The following PLCB1 variants were observed in gnomAD, a reference collection of about 807,000 sequenced individuals.
PLCB1 encodes the protein 1-phosphatidylinositol 4,5-bisphosphate phosphodiesterase beta-1.
PLCB1 carries 46 observed loss-of-function variants against 161.8 expected under a neutral mutation model. The observed-to-expected ratio is 0.28, with a 90% CI of 0.22 to 0.36. PLCB1 has a LOEUF of 0.36. Ranked by LOEUF, PLCB1 falls within the 10% of genes least tolerant of loss-of-function variation. PLCB1 has a pLI of 1.00. For synonymous variants in PLCB1, 517 were observed against 503.7 expected (o/e 1.03, Z -0.35); for missense variants, 1,016 against 1,472.5 (o/e 0.69, Z 5.07).
At chr20:8,502,045 A>G (rs1437402116) in intron 3 of PLCB1, among the ~76,000 whole-genome samples, 2 of 151,570 alleles carry the variant, frequency 1.3e-5, no homozygotes, top group African/African-American at 4.8e-5. Flanking sequence ...TTTATGGTTA[A>G]TAGCTTCATT....
intron 2 of PLCB1, among the ~76,000 whole-genome samples, chr20:8,156,976 C>G (rs1404506675): frequency 2.0e-5 from 3 of 152,074 alleles, no homozygotes; most frequent in Non-Finnish European, 4.4e-5. Context: ...TTATGTATAT[C>G]TTTTTATTCC....
chr20:8,636,496 C>T (rs1019546531), intron 4 of PLCB1, among the ~76,000 whole-genome samples: 4 of 152,104 alleles, frequency 2.6e-5, no homozygotes, highest in African/African-American at 9.7e-5. Flanking sequence ...GTGAAAACAT[C>T]GTCTATCTGG....
chr20:8,651,330 A>T, intron 7 of PLCB1: 1 of 662,442 alleles, frequency 1.5e-6, no homozygotes, highest in East Asian at 2.7e-5. Flanking sequence ...AAGACTTTTC[A>T]AAACAGCAAA....
intron 3 of PLCB1, among the ~76,000 whole-genome samples, chr20:8,382,368 C>A (rs1600360523): frequency 1.3e-5 from 2 of 149,768 alleles, no homozygotes; most frequent in South Asian, 4.3e-4. Flanking sequence ...CTGCAAGCTC[C>A]GCCTCCCGGG....
At chr20:8,790,304 T>C (rs1425920542) in intron 31 of PLCB1, 43 bp downstream of exon 31, 1 of 1,467,822 alleles carries the variant, frequency 6.8e-7, no homozygotes, top group African/African-American at 1.4e-5. Context: ...TTTATTTGAT[T>C]TCCATTTAGT....
rs145294131 is a variant in PLCB1, at chr20:8,783,233, T to A, written c.3112-5216T>A. 1.2e-3 allele frequency among the ~76,000 whole-genome samples: 188 copies of A among 152,378 alleles called. 1 individual carries two copies. Among genetic ancestry groups the A allele is most frequent in the African/African-American group, 4.4e-3 (181 of 41,604 alleles). On this transcript the variant is annotated intron_variant, in intron 27 of 31. Transcript: ENST00000338037. Reference sequence around the variant, plus strand: ...GTTTACTACCATTCAGTTTACCACATACCTTCTTAATTTATTTCCTAGGAA... The same window carrying A: ...GTTTACTACCATTCAGTTTACCACAAACCTTCTTAATTTATTTCCTAGGAA...
intron 31 of PLCB1, among the ~76,000 whole-genome samples, chr20:8,813,614 G>C (rs1315883891): frequency 6.6e-6 from 1 of 152,114 alleles, no homozygotes; most frequent in Non-Finnish European, 1.5e-5. Context: ...AGGATCACTT[G>C]AGCCAAGGAA....
chr20:8,805,898 G>A (rs554370199), intron 31 of PLCB1, among the ~76,000 whole-genome samples: 8 of 152,256 alleles, frequency 5.3e-5, no homozygotes, highest in South Asian at 2.1e-4. Flanking sequence ...ATGGAAAGAC[G>A]ACGAGCCTCT....
chr20:8,803,993 A>G (rs1984408714), intron 31 of PLCB1, among the ~76,000 whole-genome samples: 1 of 151,924 alleles, frequency 6.6e-6, no homozygotes, highest in Non-Finnish European at 1.5e-5. Context: ...GGATTTCTCC[A>G]TATTGGTCAG....
intron 3 of PLCB1, among the ~76,000 whole-genome samples, chr20:8,406,146 C>T (rs1379569900): frequency 2.0e-5 from 3 of 152,022 alleles, no homozygotes; most frequent in Non-Finnish European, 4.4e-5. Flanking sequence ...ACTTTATTGA[C>T]TTTTATGTGT....
At chr20:8,473,833 A>C (rs1042017492) in intron 3 of PLCB1, among the ~76,000 whole-genome samples, 1 of 152,240 alleles carries the variant, frequency 6.6e-6, no homozygotes, top group Non-Finnish European at 1.5e-5. Context: ...AACCAGCAGC[A>C]GTACAAAAAC....
intron 3 of PLCB1, among the ~76,000 whole-genome samples, chr20:8,428,177 A>G (rs1001832381): frequency 2.0e-5 from 3 of 152,138 alleles, no homozygotes; most frequent in East Asian, 1.9e-4. Context: ...TAATAAAAAA[A>G]GAAAAGAAAA....
intron 3 of PLCB1, among the ~76,000 whole-genome samples, chr20:8,383,747 C>T (rs1310001994): frequency 6.6e-6 from 1 of 152,194 alleles, no homozygotes; most frequent in Admixed American, 6.5e-5. Flanking sequence ...ATTTGCTTGT[C>T]TGGAAAGGCT....
chr20:8,319,447 A>G (rs1397953859), intron 2 of PLCB1, among the ~76,000 whole-genome samples: 1 of 152,004 alleles, frequency 6.6e-6, no homozygotes, highest in Non-Finnish European at 1.5e-5. Context: ...CAGGGCTCTG[A>G]GAGAGAGTGG....
chr20:8,354,493 C>T (rs79752783), intron 2 of PLCB1, among the ~76,000 whole-genome samples: 4,009 of 152,170 alleles, frequency 0.026, 65 homozygotes, highest in Non-Finnish European at 0.039. Context: ...CTCTTTACTT[C>T]GTAATTTTTA....
chr20:8,175,581 A>G (rs1266458071), intron 2 of PLCB1, among the ~76,000 whole-genome samples: 1 of 152,214 alleles, frequency 6.6e-6, no homozygotes. Context: ...TTAGGAAAAC[A>G]CATAGGAAAA....
chr20:8,847,604 AC>A (rs1253582929), intron 31 of PLCB1, among the ~76,000 whole-genome samples: 1 of 152,088 alleles, frequency 6.6e-6, no homozygotes, highest in Non-Finnish European at 1.5e-5. Flanking sequence ...TTTAGGGCAG[AC>A]CCCACAGCTT....
intron 13 of PLCB1, among the ~76,000 whole-genome samples, chr20:8,716,800 C>T (rs909035488): frequency 3.9e-5 from 6 of 152,158 alleles, no homozygotes; most frequent in African/African-American, 1.4e-4. Flanking sequence ...CAACTCAGGT[C>T]GCCCATTGCA....
intron 2 of PLCB1, among the ~76,000 whole-genome samples, chr20:8,289,678 C>A (rs1008550161): frequency 5.9e-5 from 9 of 152,242 alleles, no homozygotes; most frequent in African/African-American, 1.9e-4. Context: ...GTTGACCAGG[C>A]TAACAAGTAA....
Sources: allele counts gnomAD v4.1 joint callset (sites outside exome capture counted in the v4.1 genomes callset), GRCh38; gene constraint gnomAD v4.1.1; transcripts MANE v1.5; gene names NCBI Gene and HGNC (gene_info 2026-07-23, HGNC 2026-07-21).